The following MAP4 variants were observed in gnomAD, a reference collection of about 807,000 sequenced individuals.
MAP4 encodes the protein microtubule associated protein 4, also known as microtubule-associated protein 4.
In MAP4, 76 loss-of-function variants were observed where a neutral mutation model predicts 170.2. That is an observed-to-expected ratio of 0.45 (90% confidence interval 0.37 to 0.54). MAP4 has a LOEUF of 0.54. Ranked by LOEUF, MAP4 falls within the 20% of genes least tolerant of loss-of-function variation. The pLI is 0.00. For missense variants in MAP4, 2,506 were observed against 2,748.0 expected, an observed-to-expected ratio of 0.91 and a Z score of 1.97; for synonymous variants, 909 against 994.5, an observed-to-expected ratio of 0.91 and a Z score of 1.62.
intron 1 of MAP4, among the ~76,000 whole-genome samples, chr3:48,056,681 CG>C (rs2100131972): frequency 8.6e-6 from 1 of 116,024 alleles, no homozygotes; most frequent in African/African-American, 4.0e-5. Context: ...GTCAGCCCTC[CG>C]CCCGGCCAGC....
chr3:47,953,626 T>C (rs763645385), intron 3 of MAP4, among the ~76,000 whole-genome samples: 23 of 152,148 alleles, frequency 1.5e-4, no homozygotes, highest in Non-Finnish European at 2.9e-4. Flanking sequence ...ATTCAAAAAC[T>C]TAGGGAGATA....
intron 3 of MAP4, chr3:47,974,543 T>C (rs572440220): frequency 2.0e-6 from 2 of 976,942 alleles, no homozygotes; most frequent in Non-Finnish European, 2.4e-6. Flanking sequence ...AGTAAAAGGA[T>C]AGAAAACTTT....
intron 17 of MAP4, among the ~76,000 whole-genome samples, chr3:47,862,896 G>A (rs1212425900): frequency 6.6e-6 from 1 of 152,008 alleles, no homozygotes; most frequent in Non-Finnish European, 1.5e-5. Flanking sequence ...CAGGGTAAAA[G>A]GTACATCAGG....
intron 1 of MAP4, among the ~76,000 whole-genome samples, chr3:48,034,327 G>A (rs1007936202): frequency 1.3e-5 from 2 of 152,004 alleles, no homozygotes; most frequent in African/African-American, 4.8e-5. Context: ...CAGGAAACCA[G>A]ATCTATTTTT....
intron 3 of MAP4, among the ~76,000 whole-genome samples, chr3:47,972,344 G>A (rs974301522): frequency 6.6e-6 from 1 of 152,120 alleles, no homozygotes; most frequent in African/African-American, 2.4e-5. Context: ...AATTCAGGAG[G>A]CACTTTAGGA....
intron 3 of MAP4, among the ~76,000 whole-genome samples, chr3:47,949,076 C>T (rs1165769961): frequency 6.6e-6 from 1 of 152,160 alleles, no homozygotes; most frequent in Non-Finnish European, 1.5e-5. Flanking sequence ...CAATTTAACG[C>T]TATCTTGAGC....
In MAP4 at chr3:47,859,237, AC is replaced by A. The variant is rs1262972545; in HGVS notation, c.6502-1726del. Among the ~76,000 whole-genome samples the A allele has an allele frequency of 2.6e-5, 4 of 152,134 alleles. No individual in the cohort carries two copies. The South Asian group carries it at 8.3e-4, about 32-fold the overall frequency. On this transcript the variant is annotated intron_variant, in intron 17 of 20. Coordinates refer to ENST00000683076, the MANE Select transcript of MAP4 (RefSeq NM_001385682.1). ...GCGGCCCCGCTGTCCTCTGGTAGGT[AC>A]TGTGGGAGAGCCTGACTTTCCAACA...
chr3:47,898,470 C>G (rs2100028212), intron 10 of MAP4, among the ~76,000 whole-genome samples: 1 of 151,624 alleles, frequency 6.6e-6, no homozygotes. Context: ...CCACTGCACT[C>G]CAGCCTGCCA....
At chr3:47,919,563 C>T (rs578013338) in intron 5 of MAP4, among the ~76,000 whole-genome samples, 2 of 152,216 alleles carry the variant, frequency 1.3e-5, no homozygotes, top group Admixed American at 1.3e-4. Context: ...CCGCCTTGGC[C>T]TCCCAACGTG....
intron 3 of MAP4, among the ~76,000 whole-genome samples, chr3:47,951,204 T>C (rs75547069): frequency 6.6e-6 from 1 of 152,248 alleles, no homozygotes; most frequent in African/African-American, 2.4e-5. Flanking sequence ...AATGGTGAAC[T>C]TTAATGAATA....
chr3:48,032,292 C>G (rs1315968515), intron 1 of MAP4, among the ~76,000 whole-genome samples: 1 of 151,842 alleles, frequency 6.6e-6, no homozygotes, highest in Admixed American at 6.6e-5. Flanking sequence ...GTCAGGAGTT[C>G]GCGAGCGGCC....
At chr3:48,049,191 G>T (rs2100126214) in intron 1 of MAP4, among the ~76,000 whole-genome samples, 1 of 152,138 alleles carries the variant, frequency 6.6e-6, no homozygotes, top group Non-Finnish European at 1.5e-5. Context: ...CATTTGGATT[G>T]GTTCACATTT....
chr3:48,017,031 G>T (rs967022973), upstream of MAP4, among the ~76,000 whole-genome samples: 1 of 151,846 alleles, frequency 6.6e-6, no homozygotes, highest in Admixed American at 6.6e-5. Flanking sequence ...CACCCATCTT[G>T]GCCTCCCAAA....
At chr3:48,030,992 T>C (rs1445396237) in intron 1 of MAP4, among the ~76,000 whole-genome samples, 1 of 151,910 alleles carries the variant, frequency 6.6e-6, no homozygotes, top group African/African-American at 2.4e-5. Context: ...ACATAACCCT[T>C]CATCCTTTAC....
At chr3:47,887,277 G>T (rs915401588) in intron 10 of MAP4, among the ~76,000 whole-genome samples, 2 of 152,240 alleles carry the variant, frequency 1.3e-5, no homozygotes, top group Non-Finnish European at 2.9e-5. Flanking sequence ...GTGGGCGTGG[G>T]CTTGGTGGGC....
At chr3:48,071,235 G>A (rs564791370) in intron 1 of MAP4, among the ~76,000 whole-genome samples, 1 of 152,106 alleles carries the variant, frequency 6.6e-6, no homozygotes, top group Admixed American at 6.5e-5. Flanking sequence ...AAGTAAGCTT[G>A]AGTTTACTCA....
At chr3:48,038,526 T>C (rs1309236863) in intron 1 of MAP4, among the ~76,000 whole-genome samples, 1 of 147,056 alleles carries the variant, frequency 6.8e-6, no homozygotes, top group Non-Finnish European at 1.5e-5. Context: ...AGTGGCACGA[T>C]CTTGGCTCAC....
rs2044650554 is a variant in MAP4 at position 47,852,587 on chromosome 3, C to T, written c.*347G>A. On this transcript the variant is annotated 3_prime_UTR_variant, in exon 21 of 21. Transcript: ENST00000683076. ...CTGGTTCTCCTCTCCTAGATCCCAA[C>T]TTAGCCTCAACCACCCCAACCCCCT... 1.5e-6 allele frequency: 1 copy of T among 648,374 alleles called. No individual in the cohort carries two copies. The highest frequency in any genetic ancestry group is 2.5e-6 in the Non-Finnish European group (1 of 396,162). 40.2% of individuals were successfully genotyped at this position (648,374 alleles called of 1,614,324 possible). A position where few individuals can be genotyped will look rare whatever the true frequency, so the allele number is the denominator to read the frequency against.
intron 9 of MAP4, among the ~76,000 whole-genome samples, chr3:47,906,084 CAA>C (rs536980998): frequency 1.4e-4 from 18 of 129,252 alleles, no homozygotes; most frequent in East Asian, 2.3e-4. Context: ...TACACATAAC[CAA>C]AAAAAAAAAA....
Sources: allele counts gnomAD v4.1 joint callset (sites outside exome capture counted in the v4.1 genomes callset), GRCh38; gene constraint gnomAD v4.1.1; transcripts MANE v1.5; gene names NCBI Gene and HGNC (gene_info 2026-07-23, HGNC 2026-07-21).